RBFOX1: variants seen among roughly 807,000 people sequenced by gnomAD.
The protein encoded by RBFOX1 is RNA binding protein fox-1 homolog 1.
Under a neutral mutation model 57.7 loss-of-function variants are expected in RBFOX1, and 8 were observed. That is an observed-to-expected ratio of 0.14 (90% confidence interval 0.08 to 0.25). The LOEUF (loss-of-function observed/expected upper bound fraction) is 0.25. Among genes scored for constraint, RBFOX1 ranks in the 10% least tolerant of loss-of-function variants. The pLI, the probability that RBFOX1 is intolerant of heterozygous loss-of-function variation, is 1.00. For synonymous variants in RBFOX1, 326 were observed against 222.4 expected (o/e 1.47, Z -4.15); for missense variants, 611 against 548.5 (o/e 1.11, Z -1.14).
intron 2 of RBFOX1, among the ~76,000 whole-genome samples, chr16:6,345,503 C>T (rs2085240993): frequency 6.6e-6 from 1 of 152,158 alleles, no homozygotes; most frequent in African/African-American, 2.4e-5. Flanking sequence ...TCCCCCAGCC[C>T]TGTTTTAGCG....
Position 5,446,354 on chromosome 16 carries a change from A to G in RBFOX1, c.220-20862A>G, listed in dbSNP as rs961705034. Among the ~76,000 whole-genome samples, 5 of 152,308 alleles carry G rather than the reference A, an allele frequency of 3.3e-5. No individual in the cohort carries two copies. In the East Asian group the frequency reaches 9.7e-4, roughly 29 times the overall value. ...ATCCTCATGGAAGATGGTAGACAGT[A>G]TAGACAAATCCAGGAAAGTTAGATT... On this transcript the variant is annotated intron_variant, in intron 1 of 2. Transcript: ENST00000585867.
At chr16:7,098,226 G>A (rs554969371) in intron 4 of RBFOX1, among the ~76,000 whole-genome samples, 2 of 152,316 alleles carry the variant, frequency 1.3e-5, no homozygotes, top group African/African-American at 4.8e-5. Context: ...CTAGAGTGCA[G>A]TGGCACGATC....
intron 4 of RBFOX1, among the ~76,000 whole-genome samples, chr16:7,194,595 C>A (rs570866895): frequency 2.6e-4 from 40 of 152,220 alleles, no homozygotes; most frequent in African/African-American, 9.6e-4. Context: ...TGTTTTCTAC[C>A]CCTTTCCCAG....
intron 4 of RBFOX1, chr16:7,510,266 C>T (rs2074667393): frequency 4.1e-6 from 4 of 985,934 alleles, no homozygotes; most frequent in Non-Finnish European, 4.8e-6. Context: ...GGGACAAGAA[C>T]AGCTGCTAAG....
chr16:6,317,589 A>G (rs2081270009), intron 2 of RBFOX1, among the ~76,000 whole-genome samples: 1 of 152,210 alleles, frequency 6.6e-6, no homozygotes. Flanking sequence ...GGTACATTAT[A>G]GAAATTTCAT....
At chr16:5,646,635 C>G (rs995841065) in intron 3 of RBFOX1, among the ~76,000 whole-genome samples, 4 of 151,814 alleles carry the variant, frequency 2.6e-5, no homozygotes, top group Non-Finnish European at 5.9e-5. Context: ...GGAAGACCCT[C>G]TTATTTTTTA....
intron 3 of RBFOX1, among the ~76,000 whole-genome samples, chr16:7,019,715 A>G (rs1346730564): frequency 2.0e-5 from 3 of 152,234 alleles, no homozygotes; most frequent in Middle Eastern, 3.2e-3. Context: ...CTCATGCTAA[A>G]GAGAACAAGC....
chr16:7,003,081 C>G (rs2153637141), intron 3 of RBFOX1, among the ~76,000 whole-genome samples: 1 of 151,362 alleles, frequency 6.6e-6, no homozygotes, highest in African/African-American at 2.4e-5. Context: ...TACAATCAGG[C>G]CATGATTTAC....
At chr16:7,668,397 A>C (rs148620591) in intron 13 of RBFOX1, among the ~76,000 whole-genome samples, 75 of 152,334 alleles carry the variant, frequency 4.9e-4, no homozygotes, top group African/African-American at 1.8e-3. Flanking sequence ...TGAAATTGCC[A>C]AAGGGAGTAG....
At chr16:5,961,468 C>T (rs1358184079) in intron 4 of RBFOX1, among the ~76,000 whole-genome samples, 3 of 143,764 alleles carry the variant, frequency 2.1e-5, no homozygotes, top group African/African-American at 7.7e-5. Flanking sequence ...TCCCTTTGTG[C>T]TCTTTTGTTT....
chr16:5,647,248 G>T (rs1015031843), intron 3 of RBFOX1, among the ~76,000 whole-genome samples: 4 of 152,180 alleles, frequency 2.6e-5, no homozygotes, highest in Non-Finnish European at 5.9e-5. Context: ...AGGAGGTGAG[G>T]TCATTCACCC....
chr16:7,125,212 G>A (rs1479905126), intron 4 of RBFOX1, among the ~76,000 whole-genome samples: 1 of 152,216 alleles, frequency 6.6e-6, no homozygotes, highest in Non-Finnish European at 1.5e-5. Context: ...CTTGAGTTCA[G>A]ATCCCAGATC....
chr16:5,516,931 G>A (rs1347784138), intron 2 of RBFOX1, among the ~76,000 whole-genome samples: 1 of 151,514 alleles, frequency 6.6e-6, no homozygotes, highest in Non-Finnish European at 1.5e-5. Context: ...AAATTCCCCA[G>A]TCTCAGGTAT....
chr16:6,769,767 T>G (rs1419877954), intron 3 of RBFOX1, among the ~76,000 whole-genome samples: 1 of 152,216 alleles, frequency 6.6e-6, no homozygotes, highest in Non-Finnish European at 1.5e-5. Context: ...GCATGAGATG[T>G]GTTCTAAACT....
intron 3 of RBFOX1, among the ~76,000 whole-genome samples, chr16:6,695,366 A>C (rs961573595): frequency 2.2e-5 from 3 of 137,196 alleles, no homozygotes; most frequent in Admixed American, 8.1e-5. Context: ...CAATTACCTG[A>C]GATTGCGCCG....
chr16:6,760,088 T>C (rs540359160), intron 3 of RBFOX1, among the ~76,000 whole-genome samples: 14 of 152,282 alleles, frequency 9.2e-5, no homozygotes, highest in African/African-American at 3.4e-4. Context: ...CTCAGTGTGA[T>C]CTTGTTTTCA....
chr16:5,974,929 A>G (rs7202629), intron 4 of RBFOX1, among the ~76,000 whole-genome samples: 38,622 of 151,970 alleles, frequency 0.25, 5,347 homozygotes, highest in African/African-American at 0.38. Context: ...AATTGCTGGA[A>G]CCTAGGAGAC....
Position 6,695,929 on chromosome 16 carries a change from T to C in RBFOX1, c.-16+41279T>C, listed in dbSNP as rs549965463. 6.6e-5 allele frequency among the ~76,000 whole-genome samples: 10 copies of C among 152,314 alleles called. No homozygotes were observed. The East Asian group carries it at 1.7e-3, about 26-fold the overall frequency. Reference sequence around the variant, plus strand: ...GCATATGGTGAAAATAGTGGACAACTGACTGTTCCTTTTATAACCACATTG... The same window carrying C: ...GCATATGGTGAAAATAGTGGACAACCGACTGTTCCTTTTATAACCACATTG... On this transcript the variant is annotated intron_variant, in intron 3 of 15. Coordinates refer to ENST00000550418, the MANE Select transcript of RBFOX1 (RefSeq NM_018723.4).
At chr16:7,205,840 A>C (rs1381707628) in intron 4 of RBFOX1, among the ~76,000 whole-genome samples, 1 of 152,244 alleles carries the variant, frequency 6.6e-6, no homozygotes, top group Non-Finnish European at 1.5e-5. Flanking sequence ...TGTGTGTAGT[A>C]ATTACTGAGG....
Sources: gnomAD v4.1 joint callset for allele counts (sites outside exome capture counted in the v4.1 genomes callset) on GRCh38, gnomAD v4.1.1 for gene constraint, MANE v1.5 for transcripts, NCBI Gene and HGNC (gene_info 2026-07-23, HGNC 2026-07-21) for gene names.